The following NR1D2 variants were observed in gnomAD, a reference collection of about 807,000 sequenced individuals.
NR1D2 encodes the protein nuclear receptor subfamily 1 group D member 2.
Under a neutral mutation model 52.2 loss-of-function variants are expected in NR1D2, and 25 were observed. The ratio of observed to expected loss-of-function variants is 0.48; its 90% confidence interval spans 0.35 to 0.67. The LOEUF (loss-of-function observed/expected upper bound fraction) is 0.67, where lower values mean the gene tolerates loss of function less well. NR1D2 is among the 30% of genes least tolerant of loss of function. The pLI is 0.01. For missense variants in NR1D2, 681 were observed against 707.2 expected (o/e 0.96, Z 0.42); for synonymous variants, 259 against 230.1 (o/e 1.13, Z -1.14).
Position 23,962,089 on chromosome 3 carries a change from C to T in NR1D2, c.630C>T (p.Asp210=). The change falls in exon 5 of 8, where the codon GAC becomes GAT. Residue 210 remains aspartate, a synonymous_variant. Transcript: ENST00000312521. The part of the protein sequence containing the change: ...NSQFSGHLQN[D]TLVEHHEQTA... ...AGTTCAGTGGTCACTTGCAAAATGA[C>T]ACATTAGTAGAACATCATGAACAGA... 2 of 1,614,152 alleles carry T rather than the reference C, an allele frequency of 1.2e-6. No individual in the cohort carries two copies. Among genetic ancestry groups the T allele is most frequent in the South Asian group, 1.1e-5 (1 of 91,084 alleles).
intron 1 of NR1D2, among the ~76,000 whole-genome samples, chr3:23,951,935 G>A (rs1705945432): frequency 6.6e-6 from 1 of 152,206 alleles, no homozygotes; most frequent in Non-Finnish European, 1.5e-5. Flanking sequence ...GGAGTTTTTA[G>A]ATTTTAGAAT....
chr3:23,956,181 T>TAAATCTAAACCCAAC, intron 3 of NR1D2, 56 bp downstream of exon 3: 2 of 1,405,928 alleles, frequency 1.4e-6, no homozygotes, highest in Non-Finnish European at 2.0e-6. Flanking sequence ...AGAAGTTGGG[T>TAAATCTAAACCCAAC]TTAGATTTAC....
intron 4 of NR1D2, chr3:23,960,061 T>C (rs1036232864): frequency 6.6e-6 from 2 of 302,536 alleles, no homozygotes; most frequent in Non-Finnish European, 1.2e-5. Context: ...CCATTTTTTT[T>C]CTGTGCAATT....
At chr3:23,957,806 C>G (rs898626978) in intron 3 of NR1D2, among the ~76,000 whole-genome samples, 5 of 152,048 alleles carry the variant, frequency 3.3e-5, no homozygotes, top group African/African-American at 1.2e-4. Flanking sequence ...ACTGAATGAG[C>G]TGATTGCATA....
chr3:23,966,866 C>T (rs1445023486), intron 6 of NR1D2, among the ~76,000 whole-genome samples: 1 of 151,928 alleles, frequency 6.6e-6, no homozygotes, highest in East Asian at 1.9e-4. Context: ...CCTGTCTCTA[C>T]AAAAAATACA....
At chr3:23,946,228 C>T (rs974232909) in intron 1 of NR1D2, 5 of 985,440 alleles carry the variant, frequency 5.1e-6, no homozygotes, top group Non-Finnish European at 3.6e-6. Flanking sequence ...CGCAGTGCAC[C>T]GGACGCCGCA....
intron 7 of NR1D2, among the ~76,000 whole-genome samples, chr3:23,970,059 TG>T (rs1706546954): frequency 6.6e-6 from 1 of 152,288 alleles, no homozygotes; most frequent in Middle Eastern, 3.4e-3. Flanking sequence ...AACCAAAATA[TG>T]GGGCAGAAGA....
intron 5 of NR1D2, among the ~76,000 whole-genome samples, chr3:23,964,041 A>G (rs1490141099): frequency 6.6e-6 from 1 of 150,988 alleles, no homozygotes; most frequent in African/African-American, 2.4e-5. Flanking sequence ...GTCAGTGATC[A>G]CAGCATTGTT....
chr3:23,952,981 G>A (rs775198850), intron 1 of NR1D2, among the ~76,000 whole-genome samples: 2 of 150,986 alleles, frequency 1.3e-5, no homozygotes, highest in Non-Finnish European at 3.0e-5. Context: ...GCCTAAAGAC[G>A]GCAATGTCTG....
At chr3:23,963,171 A>C (rs1273234014) in intron 5 of NR1D2, 2 of 805,096 alleles carry the variant, frequency 2.5e-6, no homozygotes, top group African/African-American at 1.8e-5. Context: ...AATGTTGGTC[A>C]TATCATTGAA....
chr3:23,959,544 C>A, intron 3 of NR1D2, 127 bp from the exon 4 acceptor site: 1 of 797,636 alleles, frequency 1.3e-6, no homozygotes, highest in Non-Finnish European at 2.0e-6. Context: ...CATAGTGTTT[C>A]CCAGATAGTG....
intron 4 of NR1D2, 95 bp downstream of exon 4, chr3:23,959,910 C>T (rs1300114808): frequency 3.5e-6 from 4 of 1,148,746 alleles, no homozygotes; most frequent in African/African-American, 3.1e-5. Context: ...TACCAAGGAC[C>T]CTCTTGTATT....
chr3:23,956,175 GT>G (rs1706076407), intron 3 of NR1D2, 50 bp downstream of exon 3: 1 of 1,454,752 alleles, frequency 6.9e-7, no homozygotes, highest in East Asian at 2.3e-5. Context: ...GATTTAAGAA[GT>G]TGGGTTTAGA....
intron 1 of NR1D2, among the ~76,000 whole-genome samples, chr3:23,950,398 C>T (rs1288212454): frequency 6.6e-6 from 1 of 152,246 alleles, no homozygotes; most frequent in Non-Finnish European, 1.5e-5. Context: ...AGTTAATTCA[C>T]AGAGTTCTTC....
intron 1 of NR1D2, chr3:23,946,194 C>T (rs1304108885): frequency 1.0e-6 from 1 of 985,336 alleles, no homozygotes; most frequent in Non-Finnish European, 1.2e-6. Flanking sequence ...CGCGGCGGGG[C>T]GTCCCCGAAG....
At position 23,979,144 on chromosome 3, in the gene NR1D2, T is replaced by C. The variant is rs1406920638; in HGVS notation, c.*1725T>C. 1 of 152,108 alleles carries C rather than the reference T, an allele frequency of 6.6e-6. No individual in the cohort carries two copies. Among genetic ancestry groups the C allele is most frequent in the East Asian group, 1.9e-4 (1 of 5,198 alleles). The allele number at this position is 152,108 out of a possible 1,614,324, so 9.4% of individuals were successfully genotyped here. On this transcript the variant is annotated 3_prime_UTR_variant, in exon 8 of 8. Coordinates refer to ENST00000312521, the MANE Select transcript of NR1D2 (RefSeq NM_005126.5). Reference sequence around the variant, plus strand: ...TAACTTGTTGCTACTGGGACTTGATTTACTGTGGCACTAGTTAAGTAAGTT... The same window carrying C: ...TAACTTGTTGCTACTGGGACTTGATCTACTGTGGCACTAGTTAAGTAAGTT...
intron 4 of NR1D2, chr3:23,960,037 T>A (rs1706194273): frequency 5.9e-6 from 2 of 339,998 alleles, no homozygotes; most frequent in East Asian, 4.9e-5. Context: ...TGTTGTTGCT[T>A]CTTCTAAAAA....
rs201651739 is a variant in NR1D2, at chr3:23,957,390, CTT to C, written c.372+1289_372+1290del. On this transcript the variant is annotated intron_variant, in intron 3 of 7. Transcript: ENST00000312521. ...AAAAAGATTCTCCTTCTCTATATAT[CTT>C]TTTTTTTTTTTTTTTTTTTTTTTAC... Among the ~76,000 whole-genome samples, 4 of 110,556 alleles carry C rather than the reference CTT, an allele frequency of 3.6e-5. No individual in the cohort carries two copies. In the South Asian group the frequency reaches 1.2e-3, roughly 34 times the overall value. The allele number at this position is 110,556 out of a possible 152,430, so 72.5% of individuals were successfully genotyped here. A position where few individuals can be genotyped will look rare whatever the true frequency, so the allele number is the denominator to read the frequency against.
chr3:23,971,515 C>G (rs1262590986), intron 7 of NR1D2, among the ~76,000 whole-genome samples: 1 of 151,882 alleles, frequency 6.6e-6, no homozygotes, highest in Non-Finnish European at 1.5e-5. Flanking sequence ...GTGATCCACC[C>G]TCCTCGGCCT....
Sources: gnomAD v4.1 joint callset for allele counts (sites outside exome capture counted in the v4.1 genomes callset) on GRCh38, gnomAD v4.1.1 for gene constraint, MANE v1.5 for transcripts, NCBI Gene and HGNC (gene_info 2026-07-23, HGNC 2026-07-21) for gene names.